ROCK1: variants seen among roughly 807,000 people sequenced by gnomAD.
The protein encoded by ROCK1 is Rho associated coiled-coil containing protein kinase 1.
ROCK1 carries 36 observed loss-of-function variants against 196.8 expected under a neutral mutation model. The observed-to-expected ratio is 0.18, with a 90% CI of 0.14 to 0.24. ROCK1 has a LOEUF of 0.24. Among genes scored for constraint, ROCK1 ranks in the 10% least tolerant of loss-of-function variants. ROCK1 has a pLI of 1.00. For synonymous variants in ROCK1, 443 were observed against 515.9 expected (o/e 0.86, Z 1.91); for missense variants, 920 against 1,562.0 (o/e 0.59, Z 6.93).
intron 1 of ROCK1, among the ~76,000 whole-genome samples, chr18:21,095,050 CAAAAAAAA>C (rs777577556): frequency 1.9e-5 from 1 of 53,784 alleles, no homozygotes; most frequent in African/African-American, 5.6e-5. Context: ...AACTCTGTCT[CAAAAAAAA>C]AAAAAAAAAA....
chr18:20,971,122 T>C (rs1026509833), intron 22 of ROCK1, among the ~76,000 whole-genome samples: 2 of 152,140 alleles, frequency 1.3e-5, no homozygotes, highest in Admixed American at 6.5e-5. Context: ...CAACTCCAGT[T>C]TGCCTACTCT....
intron 22 of ROCK1, among the ~76,000 whole-genome samples, chr18:20,977,217 G>C (rs1052917691): frequency 6.6e-6 from 1 of 152,142 alleles, no homozygotes; most frequent in Non-Finnish European, 1.5e-5. Context: ...TTCTCTGAAA[G>C]TCCCTGATTG....
Position 20,967,781 on chromosome 18 carries a change from G to A in ROCK1, c.3163C>T (p.His1055Tyr). 1 of 1,601,904 alleles carries A rather than the reference G, an allele frequency of 6.2e-7. No homozygotes were observed. The highest frequency in any genetic ancestry group is 8.5e-7 in the Non-Finnish European group (1 of 1,176,474). ...TGCATGTCATTCAGTTCCTTCTGAT[G>A]TTTCACTACCATCTGGTTGAATTTC... ...REKFNQMVVKHQKELNDMQAQ... is the reference protein window; with the variant it reads ...REKFNQMVVKYQKELNDMQAQ... Residue 1055 changes from histidine (H) to tyrosine (Y), a missense_variant, in exon 26 of 33, where the codon CAT becomes TAT. Coordinates refer to ENST00000399799, the MANE Select transcript of ROCK1 (RefSeq NM_005406.3).
intron 1 of ROCK1, 56 bp downstream of exon 1, chr18:21,110,762 G>A (rs1216731972): frequency 1.5e-6 from 2 of 1,372,764 alleles, no homozygotes; most frequent in Non-Finnish European, 2.1e-6. Flanking sequence ...ACTAATGCAA[G>A]AGGAAGGAAA....
chr18:21,007,972 C>A, intron 14 of ROCK1, 87 bp downstream of exon 14: 2 of 939,906 alleles, frequency 2.1e-6, no homozygotes, highest in East Asian at 3.0e-5. Context: ...ATTGTAGCTT[C>A]ATGTATGTAT....
intron 1 of ROCK1, among the ~76,000 whole-genome samples, chr18:21,094,640 T>C (rs531363811): frequency 1.3e-5 from 2 of 151,246 alleles, no homozygotes; most frequent in Non-Finnish European, 2.9e-5. Flanking sequence ...TCCCAGCTAC[T>C]CAAGAGGCTG....
chr18:21,059,875 C>T (rs2036273876), intron 2 of ROCK1, among the ~76,000 whole-genome samples: 1 of 152,156 alleles, frequency 6.6e-6, no homozygotes, highest in South Asian at 2.1e-4. Flanking sequence ...AATACTGACA[C>T]ATGGTATAAC....
intron 1 of ROCK1, among the ~76,000 whole-genome samples, chr18:21,109,878 C>A (rs1459535555): frequency 6.6e-6 from 1 of 152,068 alleles, no homozygotes; most frequent in African/African-American, 2.4e-5. Context: ...AACATTATTT[C>A]ACCGAAGACA....
At chr18:21,055,318 C>G (rs888320894) in intron 2 of ROCK1, among the ~76,000 whole-genome samples, 1 of 152,070 alleles carries the variant, frequency 6.6e-6, no homozygotes, top group Non-Finnish European at 1.5e-5. Context: ...TCTAGTCACT[C>G]TCCCACTCTC....
chr18:20,957,826 CT>C (rs1225235183), intron 29 of ROCK1, among the ~76,000 whole-genome samples: 8 of 148,972 alleles, frequency 5.4e-5, no homozygotes, highest in African/African-American at 1.7e-4. Flanking sequence ...AAAAAAAATT[CT>C]TTTTTCAGAG....
intron 2 of ROCK1, among the ~76,000 whole-genome samples, chr18:21,058,366 T>C (rs1360464432): frequency 6.6e-6 from 1 of 152,204 alleles, no homozygotes; most frequent in Non-Finnish European, 1.5e-5. Flanking sequence ...GATTCTAAGA[T>C]ACATTCTAAT....
chr18:21,047,686 C>T (rs914546314), intron 4 of ROCK1, among the ~76,000 whole-genome samples: 4 of 151,698 alleles, frequency 2.6e-5, no homozygotes, highest in African/African-American at 9.7e-5. Flanking sequence ...CCCAGCTACT[C>T]GGGAGGCTGA....
In ROCK1 at chr18:20,993,405, G is replaced by A. The variant is rs151184367; in HGVS notation, c.1886-468C>T. 7.3e-3 allele frequency among the ~76,000 whole-genome samples: 1,116 copies of A among 152,262 alleles called. 16 individuals carry two copies. The highest frequency in any genetic ancestry group is 0.025 in the African/African-American group (1,052 of 41,574). ...TTTAGTAGAGACGGGGTTTCACCTT[G>A]TTAGCCAGGATGGTCTCAATCCCCT... On this transcript the variant is annotated intron_variant, in intron 16 of 32. Coordinates refer to ENST00000399799, the MANE Select transcript of ROCK1 (RefSeq NM_005406.3).
chr18:20,976,766 T>C (rs2035484618), intron 22 of ROCK1, among the ~76,000 whole-genome samples: 1 of 152,204 alleles, frequency 6.6e-6, no homozygotes, highest in Non-Finnish European at 1.5e-5. Flanking sequence ...CCAAATACAG[T>C]GGTATCCATT....
intron 21 of ROCK1, among the ~76,000 whole-genome samples, chr18:20,981,659 A>G (rs1335144931): frequency 6.6e-6 from 1 of 152,238 alleles, no homozygotes; most frequent in Non-Finnish European, 1.5e-5. Context: ...AAGGGCCAGG[A>G]AACAGCTGTG....
At chr18:21,058,580 C>T (rs2036263499) in intron 2 of ROCK1, among the ~76,000 whole-genome samples, 1 of 152,100 alleles carries the variant, frequency 6.6e-6, no homozygotes, top group East Asian at 1.9e-4. Context: ...ATGTTATATT[C>T]AATTCCATAA....
intron 16 of ROCK1, among the ~76,000 whole-genome samples, chr18:20,997,355 C>G (rs1291234747): frequency 6.6e-6 from 1 of 152,048 alleles, no homozygotes; most frequent in South Asian, 2.1e-4. Flanking sequence ...ATACTTGTAT[C>G]AGACAAAATA....
chr18:21,068,204 A>T (rs1944315860), intron 2 of ROCK1, among the ~76,000 whole-genome samples: 1 of 152,184 alleles, frequency 6.6e-6, no homozygotes, highest in African/African-American at 2.4e-5. Context: ...TTTAGCTCTT[A>T]CATTTACGTT....
At chr18:21,098,371 C>A (rs1340213754) in intron 1 of ROCK1, among the ~76,000 whole-genome samples, 2 of 151,872 alleles carry the variant, frequency 1.3e-5, no homozygotes, top group African/African-American at 4.8e-5. Context: ...AACAGATAGC[C>A]ATTTGAATAA....
Sources: gnomAD v4.1 joint callset for allele counts (sites outside exome capture counted in the v4.1 genomes callset) on GRCh38, gnomAD v4.1.1 for gene constraint, MANE v1.5 for transcripts, NCBI Gene and HGNC (gene_info 2026-07-23, HGNC 2026-07-21) for gene names.